Variants in NAV2 observed in about 807,000 individuals in gnomAD.
NAV2 encodes helicase, APC down-regulated 1.
Under a neutral mutation model 223.2 loss-of-function variants are expected in NAV2, and 54 were observed. That is an observed-to-expected ratio of 0.24 (90% CI 0.19 to 0.30). The LOEUF (loss-of-function observed/expected upper bound fraction) is 0.30. Ranked by LOEUF, NAV2 falls within the 10% of genes least tolerant of loss-of-function variation. The pLI is 1.00. For missense variants in NAV2, 2,806 were observed against 3,147.5 expected, an observed-to-expected ratio of 0.89 and a Z score of 2.60; for synonymous variants, 1,279 against 1,239.3, an observed-to-expected ratio of 1.03 and a Z score of -0.67.
chr11:19,914,386 A>T (rs1253650575), intron 6 of NAV2, among the ~76,000 whole-genome samples: 1 of 152,204 alleles, frequency 6.6e-6, no homozygotes. Flanking sequence ...TCTGTGTAAT[A>T]TCCCTCTCTT....
intron 1 of NAV2, chr11:19,714,200 C>A: frequency 2.9e-6 from 2 of 694,204 alleles, no homozygotes; most frequent in Non-Finnish European, 5.2e-6. Context: ...ATGGCGGGCA[C>A]GTCTGCAGCA....
intron 10 of NAV2, among the ~76,000 whole-genome samples, chr11:19,959,787 G>A (rs550849568): frequency 3.9e-5 from 6 of 152,264 alleles, no homozygotes; most frequent in East Asian, 1.9e-4. Flanking sequence ...GCATGAACAC[G>A]ATACCCTCCA....
At chr11:19,496,524 G>T (rs1482666254) in intron 1 of NAV2, among the ~76,000 whole-genome samples, 3 of 152,180 alleles carry the variant, frequency 2.0e-5, no homozygotes. Context: ...TAACAACATG[G>T]TAGCTGACTT....
At chr11:19,472,544 C>T (rs978270143) in intron 1 of NAV2, among the ~76,000 whole-genome samples, 3 of 152,138 alleles carry the variant, frequency 2.0e-5, no homozygotes, top group African/African-American at 4.8e-5. Flanking sequence ...AGTAGCCTCA[C>T]GCTGTCAGGC....
chr11:20,022,474 G>T, intron 11 of NAV2: 1 of 891,500 alleles, frequency 1.1e-6, no homozygotes, highest in Non-Finnish European at 1.3e-6. Context: ...TGACATCACC[G>T]GAAATAATGT....
chr11:19,434,401 A>G (rs901271663), intron 1 of NAV2, among the ~76,000 whole-genome samples: 3 of 152,246 alleles, frequency 2.0e-5, no homozygotes, highest in African/African-American at 2.4e-5. Context: ...TTCATATGTC[A>G]GAATGGCCAA....
intron 1 of NAV2, among the ~76,000 whole-genome samples, chr11:19,456,767 T>G (rs1041330122): frequency 6.6e-5 from 10 of 152,368 alleles, no homozygotes; most frequent in Middle Eastern, 3.4e-3. Flanking sequence ...GCTCATGCTC[T>G]CTACCCCATT....
intron 11 of NAV2, among the ~76,000 whole-genome samples, chr11:20,008,968 C>T (rs1478876236): frequency 6.6e-6 from 1 of 152,156 alleles, no homozygotes; most frequent in African/African-American, 2.4e-5. Flanking sequence ...ACTCTAACTA[C>T]GTTTCCTTCT....
chr11:19,518,857 T>G (rs1271964616), intron 1 of NAV2, among the ~76,000 whole-genome samples: 1 of 152,118 alleles, frequency 6.6e-6, no homozygotes, highest in Non-Finnish European at 1.5e-5. Context: ...GGCGGGGCCT[T>G]TGAGAGGTAA....
intron 1 of NAV2, among the ~76,000 whole-genome samples, chr11:19,721,563 C>G (rs2050753461): frequency 6.6e-6 from 1 of 152,196 alleles, no homozygotes; most frequent in African/African-American, 2.4e-5. Flanking sequence ...ATGTCAGTGT[C>G]ATGAAAGACA....
At chr11:19,810,990 T>G (rs796752218) in intron 1 of NAV2, among the ~76,000 whole-genome samples, 5 of 152,372 alleles carry the variant, frequency 3.3e-5, no homozygotes, top group African/African-American at 1.2e-4. Context: ...TTGCTCATCA[T>G]TCTGTCCTCA....
At chr11:19,992,962 T>C (rs1398851131) in intron 11 of NAV2, among the ~76,000 whole-genome samples, 1 of 152,168 alleles carries the variant, frequency 6.6e-6, no homozygotes, top group African/African-American at 2.4e-5. Context: ...ACTTAATCAT[T>C]GTTCAAAGTG....
At chr11:19,769,682 A>T (rs1168786162) in intron 1 of NAV2, among the ~76,000 whole-genome samples, 3 of 152,210 alleles carry the variant, frequency 2.0e-5, no homozygotes, top group Non-Finnish European at 4.4e-5. Context: ...AAGATCCCTA[A>T]CAAAAATGGA....
At chr11:19,960,463 A>G (rs1442277942) in intron 10 of NAV2, among the ~76,000 whole-genome samples, 2 of 152,130 alleles carry the variant, frequency 1.3e-5, no homozygotes, top group African/African-American at 4.8e-5. Context: ...GAGTTGAAAA[A>G]GATGGCCTAC....
chr11:19,716,944 G>T (rs2050361337), intron 1 of NAV2, among the ~76,000 whole-genome samples: 1 of 152,190 alleles, frequency 6.6e-6, no homozygotes, highest in African/African-American at 2.4e-5. Flanking sequence ...GCAAAGACCA[G>T]TTTGGTAACT....
intron 1 of NAV2, among the ~76,000 whole-genome samples, chr11:19,397,425 A>G (rs2702665): frequency 0.81 from 113,946 of 141,348 alleles, 43,476 homozygotes; most frequent in East Asian, 0.88. Context: ...GTGTGCGCGC[A>G]TGTGTGTGTA....
chr11:19,387,486 C>A lies in NAV2; in HGVS notation c.75+36459C>A, dbSNP rs116712647. ...GAGAGAAGATGCTGAGTCTCACCAC[C>A]CATTTCCTCCAGGGGACATTTTCTT... On this transcript the variant is annotated intron_variant, in intron 1 of 37. Transcript: ENST00000360655. Among the ~76,000 whole-genome samples the A allele has an allele frequency of 4.6e-3, 700 of 152,214 alleles. 3 individuals carry two copies. Among genetic ancestry groups the A allele is most frequent in the African/African-American group, 0.016 (663 of 41,526 alleles).
rs2063444981 is a variant in NAV2 at position 20,120,943 on chromosome 11, A to G, written c.*2685A>G. On this transcript the variant is annotated 3_prime_UTR_variant, in exon 38 of 38. Coordinates refer to ENST00000349880, the MANE Select transcript of NAV2 (RefSeq NM_145117.5). ...TTTTGAAATATATAAATTCTATGCAACATTTATGTTGAGTTACCAATGGAA... is the reference window on the plus strand; with the variant it reads ...TTTTGAAATATATAAATTCTATGCAGCATTTATGTTGAGTTACCAATGGAA... The G allele has an allele frequency of 6.6e-6, 1 of 152,618 alleles. No individual in the cohort carries two copies. Among genetic ancestry groups the G allele is most frequent in the Non-Finnish European group, 1.5e-5 (1 of 68,048 alleles). 9.5% of individuals were successfully genotyped at this position (152,618 alleles called of 1,614,324 possible). A position where few individuals can be genotyped will look rare whatever the true frequency, so the allele number is the denominator to read the frequency against.
intron 10 of NAV2, among the ~76,000 whole-genome samples, chr11:19,960,777 T>A (rs2048296338): frequency 6.6e-6 from 1 of 151,922 alleles, no homozygotes; most frequent in Admixed American, 6.6e-5. Flanking sequence ...CCATGCCCAG[T>A]TAATTTTTGT....
Sources: gnomAD v4.1 joint callset for allele counts (sites outside exome capture counted in the v4.1 genomes callset) on GRCh38, gnomAD v4.1.1 for gene constraint, MANE v1.5 for transcripts, NCBI Gene and HGNC (gene_info 2026-07-23, HGNC 2026-07-21) for gene names.